The following MLLT3 variants were observed in gnomAD, a reference collection of about 807,000 sequenced individuals.
The protein encoded by MLLT3 is MLLT3 super elongation complex subunit.
Under a neutral mutation model 53.2 loss-of-function variants are expected in MLLT3, and 4 were observed. The ratio of observed to expected loss-of-function variants is 0.08; its 90% CI spans 0.04 to 0.17. The LOEUF (loss-of-function observed/expected upper bound fraction) is 0.17. Ranked by LOEUF, MLLT3 falls within the 10% of genes least tolerant of loss-of-function variation. The pLI is 1.00. For synonymous variants in MLLT3, 283 were observed against 230.6 expected (o/e 1.23, Z -2.06); for missense variants, 569 against 684.0 (o/e 0.83, Z 1.87).
chr9:20,539,814 G>C (rs2119009430), intron 2 of MLLT3, among the ~76,000 whole-genome samples: 2 of 152,208 alleles, frequency 1.3e-5, no homozygotes, highest in South Asian at 4.1e-4. Flanking sequence ...ACTCATTCCA[G>C]CATTAACTCA....
At chr9:20,422,326 G>A (rs1025230553) in intron 4 of MLLT3, among the ~76,000 whole-genome samples, 1 of 152,208 alleles carries the variant, frequency 6.6e-6, no homozygotes, top group Non-Finnish European at 1.5e-5. Flanking sequence ...CAACCAGAAA[G>A]TTAGAGGGAA....
chr9:20,541,102 G>C (rs1818618354), intron 2 of MLLT3, among the ~76,000 whole-genome samples: 1 of 152,214 alleles, frequency 6.6e-6, no homozygotes, highest in African/African-American at 2.4e-5. Context: ...TATAGCAAGA[G>C]TGACCTTTAC....
chr9:20,448,313 A>C lies in MLLT3; in HGVS notation c.277-47T>G. ...GAAAGAAAAAAGAGAGTGAGGCATA[A>C]GTGAAATTTTAAAAGCAAAAATTTA... is the stretch of plus-strand genomic sequence containing the variant. On this transcript the variant is annotated intron_variant, in intron 3 of 10. Coordinates refer to ENST00000380338, the MANE Select transcript of MLLT3 (RefSeq NM_004529.4). The surrounding 1 kb of genome is among the most constrained non-coding windows in gnomAD (Gnocchi z 4.0). The C allele has an allele frequency of 6.3e-7, 1 of 1,588,922 alleles. No homozygotes were observed. Among genetic ancestry groups the C allele is most frequent in the Non-Finnish European group, 8.6e-7 (1 of 1,168,190 alleles).
intron 2 of MLLT3, among the ~76,000 whole-genome samples, chr9:20,460,652 A>C (rs1824082844): frequency 1.3e-5 from 2 of 152,176 alleles, no homozygotes; most frequent in South Asian, 4.1e-4. Flanking sequence ...GCAAGGCCTG[A>C]CACTACCATT....
chr9:20,394,358 G>T lies in MLLT3; in HGVS notation c.1125+19363C>A, dbSNP rs28698159. On this transcript the variant is annotated intron_variant, in intron 5 of 10. Coordinates refer to ENST00000380338, the MANE Select transcript of MLLT3 (RefSeq NM_004529.4). ...TAGCTGTGCAAAAAGAAGATGAGCC[G>T]CAGCTTTAAGAAACCCAGCTATGAT... Among the ~76,000 whole-genome samples the T allele has an allele frequency of 1.9e-3, 288 of 152,226 alleles. 5 individuals carry two copies. The highest frequency in any genetic ancestry group is 6.8e-3 in the Middle Eastern group (2 of 294).
At position 20,476,452 on chromosome 9, in the gene MLLT3, A is replaced by G. The variant is rs556990177; in HGVS notation, c.194-19666T>C. On this transcript the variant is annotated intron_variant, in intron 2 of 10. Coordinates refer to ENST00000380338, the MANE Select transcript of MLLT3 (RefSeq NM_004529.4). ...TGCCTTATCCACATGTTCCCTGTTC[A>G]TTACAGTGTGTAAATTTAAGTTATA... Among the ~76,000 whole-genome samples, 10 of 152,264 alleles carry G rather than the reference A, an allele frequency of 6.6e-5. No homozygotes were observed. In the South Asian group the frequency reaches 2.1e-3, roughly 32 times the overall value.
intron 4 of MLLT3, among the ~76,000 whole-genome samples, chr9:20,416,825 A>T (rs1376952386): frequency 3.3e-5 from 5 of 152,118 alleles, no homozygotes; most frequent in Admixed American, 6.5e-5. Flanking sequence ...AATAAAATTT[A>T]AAAAATAAAA....
At chr9:20,375,578 T>C (rs16938041) in intron 5 of MLLT3, among the ~76,000 whole-genome samples, 28,654 of 150,298 alleles carry the variant, frequency 0.19, 6,979 homozygotes, top group African/African-American at 0.57. Flanking sequence ...CTAGGAACCT[T>C]GTTATTTCAG....
In MLLT3 at chr9:20,465,092, G is replaced by A. The variant is rs139008905; in HGVS notation, c.194-8306C>T. 4.0e-3 allele frequency among the ~76,000 whole-genome samples: 606 copies of A among 151,932 alleles called. 4 individuals carry two copies. The highest frequency in any genetic ancestry group is 0.013 in the African/African-American group (555 of 41,456). On this transcript the variant is annotated intron_variant, in intron 2 of 10. Transcript: ENST00000380338. The stretch of plus-strand genomic sequence containing the variant: ...CAGAGTTCCTAAACACAATGAATGT[G>A]GACTAAGGAATACCAAAGCATAAAA...
chr9:20,550,809 C>G (rs1037852269), intron 2 of MLLT3, among the ~76,000 whole-genome samples: 3 of 152,044 alleles, frequency 2.0e-5, no homozygotes, highest in African/African-American at 7.2e-5. Flanking sequence ...CCAGGCTGGA[C>G]TGCAGTGGCA....
At chr9:20,541,721 T>C (rs1356700022) in intron 2 of MLLT3, among the ~76,000 whole-genome samples, 5 of 152,224 alleles carry the variant, frequency 3.3e-5, no homozygotes, top group African/African-American at 4.8e-5. Flanking sequence ...ATCAAGTAGC[T>C]TCCATCTCAA....
chr9:20,559,157 T>C (rs1478867878), intron 2 of MLLT3, among the ~76,000 whole-genome samples: 1 of 152,236 alleles, frequency 6.6e-6, no homozygotes, highest in African/African-American at 2.4e-5. Flanking sequence ...TTACTAAAAA[T>C]AATTTTATAT....
chr9:20,435,255 G>A (rs577241876), intron 4 of MLLT3, among the ~76,000 whole-genome samples: 2 of 152,064 alleles, frequency 1.3e-5, no homozygotes, highest in South Asian at 2.1e-4. Flanking sequence ...TGTTACCCAG[G>A]CTAGACTCGA....
intron 2 of MLLT3, among the ~76,000 whole-genome samples, chr9:20,588,201 A>G (rs1347862989): frequency 1.3e-5 from 2 of 151,350 alleles, no homozygotes; most frequent in African/African-American, 4.9e-5. Context: ...ATTGATCTAT[A>G]TCTCTGTTTT....
chr9:20,597,007 T>C (rs1820289065), intron 2 of MLLT3, among the ~76,000 whole-genome samples: 1 of 152,236 alleles, frequency 6.6e-6, no homozygotes. Flanking sequence ...TTCACATCTG[T>C]TTTGTTAAAT....
chr9:20,577,382 C>A (rs573350562), intron 2 of MLLT3, among the ~76,000 whole-genome samples: 1 of 152,188 alleles, frequency 6.6e-6, no homozygotes, highest in East Asian at 1.9e-4. Context: ...GGAGTATAAC[C>A]ATTTGTTTTT....
At chr9:20,517,035 T>C (rs532537397) in intron 2 of MLLT3, among the ~76,000 whole-genome samples, 3 of 152,322 alleles carry the variant, frequency 2.0e-5, no homozygotes, top group Admixed American at 1.3e-4. Context: ...TTGTATTTTT[T>C]AAAAATAGTC....
chr9:20,372,877 GTAA>G (rs1007074024), intron 5 of MLLT3, among the ~76,000 whole-genome samples: 1 of 152,014 alleles, frequency 6.6e-6, no homozygotes, highest in African/African-American at 2.4e-5. Flanking sequence ...TTTTAATAAG[GTAA>G]TATATACTGT....
At chr9:20,600,733 A>G (rs186817332) in intron 2 of MLLT3, among the ~76,000 whole-genome samples, 11 of 152,266 alleles carry the variant, frequency 7.2e-5, no homozygotes, top group African/African-American at 1.7e-4. Context: ...TGAACACCCA[A>G]TTATCTCCAC....
Sources: gnomAD v4.1 joint callset for allele counts (sites outside exome capture counted in the v4.1 genomes callset) on GRCh38, gnomAD v4.1.1 for gene constraint, Gnocchi (gnomAD v3.1) non-coding constraint, MANE v1.5 for transcripts, NCBI Gene and HGNC (gene_info 2026-07-23, HGNC 2026-07-21) for gene names.